The following GRP variants were observed in gnomAD, a reference collection of about 807,000 sequenced individuals.
GRP encodes gastrin-releasing peptide.
GRP carries 11 observed loss-of-function variants against 12.7 expected under a neutral mutation model. The ratio of observed to expected loss-of-function variants is 0.87; its 90% CI spans 0.55 to 1.44. The LOEUF is 1.44. Among genes scored for constraint, GRP ranks in the 40% most tolerant of loss-of-function variants. GRP has a pLI of 0.00. For missense variants in GRP, 212 were observed against 185.4 expected (o/e 1.14, Z -0.83); for synonymous variants, 84 against 77.7 (o/e 1.08, Z -0.43).
At chr18:59,227,842 G>C (rs1002218910) in intron 2 of GRP, among the ~76,000 whole-genome samples, 1 of 152,072 alleles carries the variant, frequency 6.6e-6, no homozygotes, top group Admixed American at 6.6e-5. Context: ...AGCTTCAAAG[G>C]CAACAGCAAA....
intron 2 of GRP, among the ~76,000 whole-genome samples, chr18:59,227,020 T>TCTTTCTTCCTTC (rs2069943042): frequency 7.0e-6 from 1 of 141,922 alleles, no homozygotes; most frequent in South Asian, 2.2e-4. Flanking sequence ...TTTCTTTCTT[T>TCTTTCTTCCTTC]CTTTCTTTCT....
At chr18:59,223,964 C>T (rs1314370994) in intron 1 of GRP, among the ~76,000 whole-genome samples, 1 of 152,198 alleles carries the variant, frequency 6.6e-6, no homozygotes, top group Non-Finnish European at 1.5e-5. Context: ...CACTGCAATG[C>T]AGTAAACCTG....
intron 1 of GRP, among the ~76,000 whole-genome samples, chr18:59,220,745 G>T (rs375058641): frequency 6.6e-6 from 1 of 152,120 alleles, no homozygotes; most frequent in Non-Finnish European, 1.5e-5. Context: ...CCTTTTGTCC[G>T]CCTAGTCTCA....
rs987137439 is a variant in GRP at position 59,220,424 on chromosome 18, G to A, written c.139+20G>A. ...CGGTGGGTGAGTGTCCTGGCCGCGG[G>A]AGCCGCGCGCTTGTCCTCCTCTGGA... On this transcript the variant is annotated intron_variant, in intron 1 of 2. Coordinates refer to ENST00000256857, the MANE Select transcript of GRP (RefSeq NM_002091.5). 2.2e-6 allele frequency: 3 copies of A among 1,343,154 alleles called. No homozygotes were observed. Among genetic ancestry groups the A allele is most frequent in the Non-Finnish European group, 2.9e-6 (3 of 1,045,172 alleles). 83.2% of individuals were successfully genotyped at this position (1,343,154 alleles called of 1,614,324 possible).
At position 59,225,569 on chromosome 18, in the gene GRP, G is replaced by GAGT; in HGVS notation, c.219_221dup (p.Glu73_Tyr74insTer). 6.2e-7 allele frequency: 1 copy of GAGT among 1,614,072 alleles called. No homozygotes were observed. Among genetic ancestry groups the GAGT allele is most frequent in the Non-Finnish European group, 8.5e-7 (1 of 1,179,952 alleles). On this transcript the variant is annotated stop_gained and inframe_insertion, in exon 2 of 3. Transcript: ENST00000256857. LOFTEE classifies it high-confidence loss of function. ...AGGGAGCCTGAAGCAGCAGCTGAGAGAGTACATCAGGTGGGAAGAAGCTGC... is the reference window on the plus strand; with the variant it reads ...AGGGAGCCTGAAGCAGCAGCTGAGAGAGTAGTACATCAGGTGGGAAGAAGCTGC...
chr18:59,222,606 T>G (rs1181165432), intron 1 of GRP, among the ~76,000 whole-genome samples: 1 of 152,232 alleles, frequency 6.6e-6, no homozygotes, highest in Non-Finnish European at 1.5e-5. Context: ...CAAATTTAGC[T>G]TTCAGTTATC....
At chr18:59,228,797 G>A (rs2069984089) in intron 2 of GRP, among the ~76,000 whole-genome samples, 1 of 152,208 alleles carries the variant, frequency 6.6e-6, no homozygotes, top group Non-Finnish European at 1.5e-5. Context: ...CATGGATGAA[G>A]CTCCAGGGCC....
chr18:59,227,621 C>T (rs1222319026), intron 2 of GRP, among the ~76,000 whole-genome samples: 2 of 152,116 alleles, frequency 1.3e-5, no homozygotes, highest in Non-Finnish European at 2.9e-5. Context: ...ACTGGACTTG[C>T]CCTCATAGCT....
intron 2 of GRP, among the ~76,000 whole-genome samples, chr18:59,229,938 T>A (rs1396464232): frequency 6.6e-6 from 1 of 152,214 alleles, no homozygotes; most frequent in Non-Finnish European, 1.5e-5. Context: ...AGCTTTGACT[T>A]GTGTAACGAT....
upstream of GRP, chr18:59,220,119 C>CG: frequency 2.6e-6 from 1 of 390,796 alleles, no homozygotes; most frequent in Non-Finnish European, 4.5e-6. Context: ...CCCCCCCGCC[C>CG]GGGCTTCCAT....
chr18:59,220,162 G>A lies in GRP; in HGVS notation c.-104G>A. 2.8e-6 allele frequency: 2 copies of A among 723,796 alleles called. No homozygotes were observed. Among genetic ancestry groups the A allele is most frequent in the South Asian group, 2.3e-5 (1 of 43,284 alleles). The allele number at this position is 723,796 out of a possible 1,614,324, so 44.8% of individuals were successfully genotyped here. A position where few individuals can be genotyped will look rare whatever the true frequency, so the allele number is the denominator to read the frequency against. Reference sequence around the variant, plus strand: ...AGGGGCCCTAGTGGAGGCCGCAGCAGTAGCACCAGCGGCTGCGGCGGCGGA... The same window carrying A: ...AGGGGCCCTAGTGGAGGCCGCAGCAATAGCACCAGCGGCTGCGGCGGCGGA... On this transcript the variant is annotated 5_prime_UTR_variant, in exon 1 of 3. Transcript: ENST00000256857.
At chr18:59,227,997 G>A (rs969558590) in intron 2 of GRP, among the ~76,000 whole-genome samples, 2 of 152,098 alleles carry the variant, frequency 1.3e-5, no homozygotes, top group African/African-American at 2.4e-5. Flanking sequence ...AAAAAATCAG[G>A]CTTTGCTTTT....
chr18:59,224,608 A>G (rs2069885970), intron 1 of GRP, among the ~76,000 whole-genome samples: 1 of 152,232 alleles, frequency 6.6e-6, no homozygotes, highest in Admixed American at 6.5e-5. Flanking sequence ...AGAATATTCA[A>G]GCAAGGGTCT....
Position 59,220,335 on chromosome 18 carries a change from G to C in GRP, c.70G>C (p.Val24Leu). 1 of 1,487,108 alleles carries C rather than the reference G, an allele frequency of 6.7e-7. No homozygotes were observed. The highest frequency in any genetic ancestry group is 8.9e-7 in the Non-Finnish European group (1 of 1,122,156). The allele number at this position is 1,487,108 out of a possible 1,614,324, so 92.1% of individuals were successfully genotyped here. The stretch of plus-strand genomic sequence containing the variant: ...CTGCCTGGCGCCCCGGGGGCGAGCG[G>C]TCCCGCTGCCTGCGGGCGGAGGGAC... Reference protein sequence around the residue: ...VLCLAPRGRAVPLPAGGGTVL... With the variant: ...VLCLAPRGRALPLPAGGGTVL... The change falls in exon 1 of 3, where the codon GTC becomes CTC. Residue 24 changes from valine to leucine, a missense_variant. Val to Leu is a conservative substitution (Grantham distance 32). Coordinates refer to ENST00000256857, the MANE Select transcript of GRP (RefSeq NM_002091.5).
intron 1 of GRP, 99 bp downstream of exon 1, chr18:59,220,503 G>A (rs1473190718): frequency 1.8e-6 from 2 of 1,081,934 alleles, no homozygotes; most frequent in African/African-American, 3.3e-5. Flanking sequence ...CCCTGGCCCA[G>A]CTTTGGGAGC....
upstream of GRP, among the ~76,000 whole-genome samples, chr18:59,219,335 C>T (rs1320405358): frequency 1.3e-5 from 2 of 149,340 alleles, no homozygotes; most frequent in Non-Finnish European, 3.0e-5. Flanking sequence ...CCTGGGAATA[C>T]CAGGTGGGTT....
chr18:59,228,417 T>C (rs1215870394), intron 2 of GRP, among the ~76,000 whole-genome samples: 2 of 152,238 alleles, frequency 1.3e-5, no homozygotes, highest in Non-Finnish European at 2.9e-5. Flanking sequence ...AGGACTGTTC[T>C]TAAAATTAAA....
Position 59,220,245 on chromosome 18 carries a change from C to CGG in GRP, c.-21_-20insGG. The stretch of plus-strand genomic sequence containing the variant: ...TCTTCCCAGCCTCTCCGGCGCGCTC[C>CGG]AAGGGCTTCCCGTCGGGACCATGCG... On this transcript the variant is annotated 5_prime_UTR_variant, in exon 1 of 3. Transcript: ENST00000256857. 2 of 1,480,370 alleles carry CGG rather than the reference C, an allele frequency of 1.4e-6. No homozygotes were observed. Among genetic ancestry groups the CGG allele is most frequent in the South Asian group, 1.3e-5 (1 of 77,876 alleles). The allele number at this position is 1,480,370 out of a possible 1,614,324, so 91.7% of individuals were successfully genotyped here.
At chr18:59,220,459 C>G in intron 1 of GRP, 55 bp downstream of exon 1, 1 of 1,306,196 alleles carries the variant, frequency 7.7e-7, no homozygotes, top group Non-Finnish European at 9.8e-7. Context: ...ATCAGCCAGC[C>G]GGAGGGGACC....
Sources: allele counts gnomAD v4.1 joint callset (sites outside exome capture counted in the v4.1 genomes callset), GRCh38; gene constraint gnomAD v4.1.1; transcripts MANE v1.5; gene names NCBI Gene and HGNC (gene_info 2026-07-23, HGNC 2026-07-21).